The following ABCA3 variants were observed in gnomAD, a reference collection of about 807,000 sequenced individuals.
ABCA3 encodes phospholipid-transporting ATPase ABCA3.
A neutral mutation model predicts 172.8 loss-of-function variants in ABCA3; 88 were observed. The ratio of observed to expected loss-of-function variants is 0.51; its 90% CI spans 0.43 to 0.61. The LOEUF (loss-of-function observed/expected upper bound fraction) is 0.61. Ranked by LOEUF, ABCA3 falls within the 20% of genes least tolerant of loss-of-function variation. The pLI is 0.00. For synonymous variants in ABCA3, 1,066 were observed against 983.8 expected (o/e 1.08, Z -1.56); for missense variants, 2,164 against 2,301.0 (o/e 0.94, Z 1.22).
chr16:2,292,325 C>T, intron 18 of ABCA3, 87 bp from the exon 19 acceptor site: 1 of 1,104,742 alleles, frequency 9.1e-7, no homozygotes, highest in South Asian at 1.3e-5. Flanking sequence ...CTCGGCCAGG[C>T]ACAGTGCCTC....
intron 1 of ABCA3, among the ~76,000 whole-genome samples, chr16:2,330,455 G>C (rs1023626115): frequency 6.6e-6 from 1 of 151,182 alleles, no homozygotes; most frequent in African/African-American, 2.4e-5. Context: ...AAATAGCTGG[G>C]ATTACAAGCA....
Position 2,285,358 on chromosome 16 carries a change from G to C in ABCA3, c.3483+84C>G. 6.6e-7 allele frequency: 1 copy of C among 1,504,128 alleles called. No individual in the cohort carries two copies. The highest frequency in any genetic ancestry group is 9.0e-7 in the Non-Finnish European group (1 of 1,110,392). 93.2% of individuals were successfully genotyped at this position (1,504,128 alleles called of 1,614,324 possible). ...GAGCTGCCGGCCTAGGGGCTGCCCA[G>C]CTGGTTCCGGTTCTGCACAGGGGTC... On this transcript the variant is annotated intron_variant, in intron 23 of 32. Transcript: ENST00000301732. This position sits in a 1 kb window ranked among gnomAD's most constrained non-coding sequence, Gnocchi z 4.7.
At chr16:2,332,813 GC>G in intron 1 of ABCA3, 1 of 615,516 alleles carries the variant, frequency 1.6e-6, no homozygotes, top group South Asian at 2.0e-5. Flanking sequence ...ATTCCTATGT[GC>G]CCTTTTTTTT....
At chr16:2,321,538 G>A (rs898427451) in intron 7 of ABCA3, among the ~76,000 whole-genome samples, 6 of 152,126 alleles carry the variant, frequency 3.9e-5, no homozygotes, top group Non-Finnish European at 5.9e-5. Flanking sequence ...GAAATACGAC[G>A]TTCTCCAGAA....
chr16:2,303,258 T>C (rs79343462), intron 12 of ABCA3, among the ~76,000 whole-genome samples: 3 of 151,700 alleles, frequency 2.0e-5, no homozygotes, highest in South Asian at 2.1e-4. Context: ...CGAACTTTTT[T>C]TCTCTCTTTT....
chr16:2,313,644 C>T (rs187268895), intron 10 of ABCA3, among the ~76,000 whole-genome samples: 1 of 150,368 alleles, frequency 6.7e-6, no homozygotes, highest in South Asian at 2.1e-4. Flanking sequence ...GTGGCTCATG[C>T]CTGTAATCCC....
intron 10 of ABCA3, among the ~76,000 whole-genome samples, chr16:2,311,790 G>T (rs2093707134): frequency 6.6e-6 from 1 of 152,180 alleles, no homozygotes; most frequent in African/African-American, 2.4e-5. Context: ...AAAGTGCTGG[G>T]ATTACAGGTG....
Position 2,278,292 on chromosome 16 carries a change from G to T in ABCA3, c.4714C>A (p.His1572Asn). 6.2e-7 allele frequency: 1 copy of T among 1,608,010 alleles called. No homozygotes were observed. The highest frequency in any genetic ancestry group is 8.5e-7 in the Non-Finnish European group (1 of 1,179,988). Residue 1572 changes from histidine (H) to asparagine (N), a missense_variant, in exon 30 of 33, where the codon CAC becomes AAC. Around this residue, in one of 3 missense-constraint regions of ABCA3, gnomAD observed 795 missense variants for 881.9 expected, o/e 0.90. Transcript: ENST00000301732. This position sits in a 1 kb window ranked among gnomAD's most constrained non-coding sequence, Gnocchi z 4.4. ...ACCCACAGACCCAGGCTCTACCTGT[G>T]GGAGGTGATGATGATGGCCTTGCCA... is the stretch of plus-strand genomic sequence containing the variant. The part of the protein sequence containing the change: ...ESGKAIIITS[H>N]SMEECEALCT...
chr16:2,321,592 G>GAAGT (rs2093726198), intron 7 of ABCA3, among the ~76,000 whole-genome samples: 1 of 152,052 alleles, frequency 6.6e-6, no homozygotes, highest in African/African-American at 2.4e-5. Context: ...GTCTTTCTTG[G>GAAGT]CCTGACAGCT....
chr16:2,308,266 G>A (rs76003830), intron 11 of ABCA3, among the ~76,000 whole-genome samples, 184 bp downstream of exon 11: 304 of 152,262 alleles, frequency 2.0e-3, no homozygotes, highest in Non-Finnish European at 3.5e-3. Flanking sequence ...GGCTTCCCTC[G>A]CCCGGGGCCG....
intron 3 of ABCA3, among the ~76,000 whole-genome samples, chr16:2,327,995 A>T (rs1048213253): frequency 1.3e-5 from 2 of 152,206 alleles, no homozygotes; most frequent in Non-Finnish European, 2.9e-5. Context: ...TGCTGGGATT[A>T]TAGGCGTGAG....
chr16:2,319,939 G>A (rs916808189), intron 7 of ABCA3, 99 bp from the exon 8 acceptor site: 29 of 1,535,446 alleles, frequency 1.9e-5, no homozygotes, highest in Non-Finnish European at 2.5e-5. Context: ...AGATGCTTGG[G>A]GCAACAGAGT....
At position 2,297,954 on chromosome 16, in the gene ABCA3, G is replaced by A. The variant is rs1467979429; in HGVS notation, c.1897-33C>T. On this transcript the variant is annotated intron_variant, in intron 15 of 32. Transcript: ENST00000301732. This position sits in a 1 kb window ranked among gnomAD's most constrained non-coding sequence, Gnocchi z 5.6. ...GACAGGGGACGCAGGGAGATGCAGG[G>A]CTCCTGGCGGGAGGCCGACCCTGGC... The A allele has an allele frequency of 2.5e-6, 4 of 1,612,094 alleles. No individual in the cohort carries two copies. Among genetic ancestry groups the A allele is most frequent in the East Asian group, 4.5e-5 (2 of 44,728 alleles).
chr16:2,278,041 G>A lies in ABCA3; in HGVS notation c.4747C>T (p.Arg1583Trp). Reference sequence around the variant, plus strand: ...TGCCCCTGCACCATGATGGCCAGCCGGGTGCACAGGGCCTCACACTCCTCC... The same window carrying A: ...TGCCCCTGCACCATGATGGCCAGCCAGGTGCACAGGGCCTCACACTCCTCC... ...SMEECEALCT[R>W]LAIMVQGQFK... Residue 1583 changes from arginine (R) to tryptophan (W), a missense_variant, in exon 31 of 33, where the codon CGG becomes TGG. Coordinates refer to ENST00000301732, the MANE Select transcript of ABCA3 (RefSeq NM_001089.3). This position sits in a 1 kb window ranked among gnomAD's most constrained non-coding sequence, Gnocchi z 4.4. The A allele has an allele frequency of 3.1e-6, 5 of 1,613,440 alleles. No homozygotes were observed. Among genetic ancestry groups the A allele is most frequent in the Middle Eastern group, 1.7e-4 (1 of 6,052 alleles).
intron 1 of ABCA3, among the ~76,000 whole-genome samples, chr16:2,338,218 C>T (rs1157977754): frequency 6.6e-6 from 1 of 152,190 alleles, no homozygotes; most frequent in Non-Finnish European, 1.5e-5. Flanking sequence ...CAAACCTCTC[C>T]AACACCACAA....
rs751755351 is a variant in ABCA3 at position 2,281,201 on chromosome 16, G to A, written c.4185C>T (p.Pro1395=). Residue 1395 remains proline (P), a synonymous_variant, in exon 28 of 33, where the codon CCC becomes CCT. Coordinates refer to ENST00000301732, the MANE Select transcript of ABCA3 (RefSeq NM_001089.3). This position sits in a 1 kb window ranked among gnomAD's most constrained non-coding sequence, Gnocchi z 4.7. ...ELSKVYEQRV[P]LLAVDRLSLA... is the part of the protein sequence containing the mutation. Reference sequence around the variant, plus strand: ...GGGAGAGCCTGTCCACGGCCAGGAGGGGCACCCGCTGCTCGTACACCTGCA... The same window carrying A: ...GGGAGAGCCTGTCCACGGCCAGGAGAGGCACCCGCTGCTCGTACACCTGCA... 3 of 1,613,466 alleles carry A rather than the reference G, an allele frequency of 1.9e-6. No individual in the cohort carries two copies. Among genetic ancestry groups the A allele is most frequent in the Non-Finnish European group, 2.5e-6 (3 of 1,179,996 alleles).
In ABCA3 at chr16:2,284,859, G is replaced by C. The variant is rs753823675; in HGVS notation, c.3623C>G (p.Thr1208Ser). ...LMNFFFLGAA[T>S]AYTRLTIFNI... ...GAAGATGGTCAGCCTCGTGTAGGCA[G>C]TGGCCGCCCCCAAGAAGAAGAAGTT... Residue 1208 changes from threonine (T) to serine (S), a missense_variant, in exon 24 of 33, where the codon ACT (threonine) becomes AGT (serine). By Grantham distance (58) the Thr-to-Ser change is moderately conservative. Transcript: ENST00000301732. The surrounding 1 kb of genome is among the most constrained non-coding windows in gnomAD (Gnocchi z 5.9). The C allele has an allele frequency of 3.1e-6, 5 of 1,613,918 alleles. No homozygotes were observed. Among genetic ancestry groups the C allele is most frequent in the Non-Finnish European group, 4.2e-6 (5 of 1,179,986 alleles).
At chr16:2,338,203 G>A (rs756408493) in intron 1 of ABCA3, among the ~76,000 whole-genome samples, 4 of 152,300 alleles carry the variant, frequency 2.6e-5, no homozygotes, top group Non-Finnish European at 5.9e-5. Flanking sequence ...TCTGCCTGTT[G>A]ACTCCAAACC....
chr16:2,302,623 G>C (rs2141713857), intron 12 of ABCA3, among the ~76,000 whole-genome samples: 1 of 152,068 alleles, frequency 6.6e-6, no homozygotes, highest in East Asian at 1.9e-4. Flanking sequence ...GGGACCACAG[G>C]CATGTGCCGC....
Sources: gnomAD v4.1 joint callset for allele counts (sites outside exome capture counted in the v4.1 genomes callset) on GRCh38, gnomAD v4.1.1 for gene constraint, gnomAD v4.1.1 regional missense constraint, Gnocchi (gnomAD v3.1) non-coding constraint, MANE v1.5 for transcripts, NCBI Gene and HGNC (gene_info 2026-07-23, HGNC 2026-07-21) for gene names.